Variants in LPP observed in about 807,000 individuals in gnomAD.
The protein encoded by LPP is LIM domain containing preferred translocation partner in lipoma.
Under a neutral mutation model 60.4 loss-of-function variants are expected in LPP, and 38 were observed. The ratio of observed to expected loss-of-function variants is 0.63; its 90% confidence interval spans 0.49 to 0.83. The LOEUF (loss-of-function observed/expected upper bound fraction) is 0.83. LPP is among the 40% of genes least tolerant of loss of function. The probability of loss-of-function intolerance (pLI) is 0.00; values close to 1 mark genes in which losing one functional copy is unlikely to be tolerated. For synonymous variants in LPP, 328 were observed against 290.8 expected, an observed-to-expected ratio of 1.13 and a Z score of -1.30; for missense variants, 902 against 783.6, an observed-to-expected ratio of 1.15 and a Z score of -1.80.
At chr3:188,872,542 C>A in intron 10 of LPP, 101 bp from the exon 11 acceptor site, 3 of 1,280,348 alleles carry the variant, frequency 2.3e-6, no homozygotes, top group Non-Finnish European at 3.4e-6. Context: ...GATGAGGAAG[C>A]AGGTATACCG....
chr3:188,776,917 T>C (rs1403288625), intron 9 of LPP, among the ~76,000 whole-genome samples: 4 of 152,198 alleles, frequency 2.6e-5, no homozygotes, highest in Non-Finnish European at 5.9e-5. Flanking sequence ...TTATTTGACA[T>C]TTATGGTACA....
rs1027607631 is a variant in LPP at position 188,884,605 on chromosome 3, C to T, written c.*10126C>T. The T allele has an allele frequency of 8.3e-5, 19 of 230,276 alleles. No homozygotes were observed. The highest frequency in any genetic ancestry group is 4.2e-4 in the African/African-American group (19 of 45,200). The allele number at this position is 230,276 out of a possible 1,614,324, so 14.3% of individuals were successfully genotyped here. A position where few individuals can be genotyped will look rare whatever the true frequency, so the allele number is the denominator to read the frequency against. On this transcript the variant is annotated 3_prime_UTR_variant, in exon 12 of 12. Coordinates refer to ENST00000617246, the MANE Select transcript of LPP (RefSeq NM_001375462.1). ...CCCCAGAGAGAGTTCCTTTACATTC[C>T]ATTCACCAAAAACCTCTCTGGAACT...
intron 6 of LPP, among the ~76,000 whole-genome samples, chr3:188,575,384 G>A (rs1311756952): frequency 6.6e-6 from 1 of 152,134 alleles, no homozygotes; most frequent in East Asian, 1.9e-4. Flanking sequence ...GATTTAAAAT[G>A]TACAAATTAA....
At chr3:188,714,602 T>A (rs1173829853) in intron 8 of LPP, among the ~76,000 whole-genome samples, 1 of 152,162 alleles carries the variant, frequency 6.6e-6, no homozygotes, top group Non-Finnish European at 1.5e-5. Context: ...TTTTAATGAT[T>A]TCTTCTGGAA....
intron 9 of LPP, among the ~76,000 whole-genome samples, chr3:188,846,954 A>G (rs1040147659): frequency 1.3e-5 from 2 of 152,224 alleles, no homozygotes; most frequent in Non-Finnish European, 2.9e-5. Context: ...CCAGAGTAGG[A>G]CAGAGGCCAC....
chr3:188,713,419 A>G (rs1271009), intron 8 of LPP, among the ~76,000 whole-genome samples: 151,420 of 151,920 alleles, frequency 1, 75,461 homozygotes, highest in Middle Eastern at 1. Context: ...AGGATTGGTA[A>G]CAAACTTAGA....
Position 188,886,719 on chromosome 3 carries a change from AACACACACACACACACATACAC to A in LPP, c.*12258_*12279del. On this transcript the variant is annotated 3_prime_UTR_variant, in exon 12 of 12. Coordinates refer to ENST00000617246, the MANE Select transcript of LPP (RefSeq NM_001375462.1). ...GATCATACAATTGTATTGTCTTCAA[AACACACACACACACACATACAC>A]ACACACACACACACACACACACACC... The A allele has an allele frequency of 6.5e-6, 1 of 153,522 alleles. No individual in the cohort carries two copies. The highest frequency in any genetic ancestry group is 1.2e-5 in the Non-Finnish European group (1 of 84,606). 9.5% of individuals were successfully genotyped at this position (153,522 alleles called of 1,614,324 possible).
At chr3:188,186,012 A>G (rs888448580) in intron 1 of LPP, among the ~76,000 whole-genome samples, 1 of 152,128 alleles carries the variant, frequency 6.6e-6, no homozygotes, top group Non-Finnish European at 1.5e-5. Context: ...GTAGGAAAGG[A>G]GTGTCAGGCC....
At chr3:188,694,483 A>G (rs1862781479) in intron 7 of LPP, among the ~76,000 whole-genome samples, 1 of 152,102 alleles carries the variant, frequency 6.6e-6, no homozygotes, top group African/African-American at 2.4e-5. Flanking sequence ...CAGGTGGATC[A>G]CCTGAGGTTG....
At chr3:188,823,618 A>C (rs939654375) in intron 9 of LPP, among the ~76,000 whole-genome samples, 6 of 152,212 alleles carry the variant, frequency 3.9e-5, no homozygotes, top group African/African-American at 1.4e-4. Flanking sequence ...TTTTATGGCA[A>C]TCTATAACTG....
intron 2 of LPP, among the ~76,000 whole-genome samples, chr3:188,244,169 C>T (rs536011101): frequency 3.3e-5 from 5 of 152,338 alleles, no homozygotes; most frequent in Non-Finnish European, 7.4e-5. Flanking sequence ...CTGCGCCCAG[C>T]GCACATACAA....
At chr3:188,213,638 CTCTTT>C (rs996393981) in intron 1 of LPP, among the ~76,000 whole-genome samples, 1 of 152,048 alleles carries the variant, frequency 6.6e-6, no homozygotes, top group African/African-American at 2.4e-5. Flanking sequence ...TTGTATGAGG[CTCTTT>C]TCTTTTCTTT....
chr3:188,261,755 A>AT (rs1222666763), intron 2 of LPP, among the ~76,000 whole-genome samples: 1 of 151,060 alleles, frequency 6.6e-6, no homozygotes, highest in Non-Finnish European at 1.5e-5. Flanking sequence ...AAAAAAAAAA[A>AT]AAATATATAT....
Position 188,817,978 on chromosome 3 carries a change from G to T in LPP, c.1411-48222G>T, listed in dbSNP as rs112592509. ...AGTTGCAGGGATCATATTCTAAGGC[G>T]TATCAAATATGTTCAGAGTGCAAGC... On this transcript the variant is annotated intron_variant, in intron 9 of 11. Coordinates refer to ENST00000617246, the MANE Select transcript of LPP (RefSeq NM_001375462.1). Among the ~76,000 whole-genome samples the T allele has an allele frequency of 1.6e-4, 25 of 152,218 alleles. 1 individual carries two copies. Among genetic ancestry groups the T allele is most frequent in the South Asian group, 6.2e-4 (3 of 4,818 alleles).
At position 188,793,872 on chromosome 3, in the gene LPP, A is replaced by G. The variant is rs576691108; in HGVS notation, c.1410+33590A>G. Reference sequence around the variant, plus strand: ...CCTCTTATATGTGGTAAATGAAGTGACTGTCTATGTAGTTGCCTTTGCAGG... The same window carrying G: ...CCTCTTATATGTGGTAAATGAAGTGGCTGTCTATGTAGTTGCCTTTGCAGG... On this transcript the variant is annotated intron_variant, in intron 9 of 11. Coordinates refer to ENST00000617246, the MANE Select transcript of LPP (RefSeq NM_001375462.1). Among the ~76,000 whole-genome samples, 71 of 152,090 alleles carry G rather than the reference A, an allele frequency of 4.7e-4. 1 individual carries two copies. Among genetic ancestry groups the G allele is most frequent in the African/African-American group, 1.7e-3 (71 of 41,494 alleles).
At chr3:188,431,013 A>G (rs1462661490) in intron 4 of LPP, among the ~76,000 whole-genome samples, 1 of 151,994 alleles carries the variant, frequency 6.6e-6, no homozygotes, top group African/African-American at 2.4e-5. Context: ...TTTTTGAGGT[A>G]TCATATTTTG....
chr3:188,333,247 C>T (rs1258527586), intron 2 of LPP, among the ~76,000 whole-genome samples: 1 of 152,108 alleles, frequency 6.6e-6, no homozygotes, highest in African/African-American at 2.4e-5. Flanking sequence ...ACAATTGGCA[C>T]TGAGTAATTA....
chr3:188,663,703 C>A (rs923050092), intron 7 of LPP, among the ~76,000 whole-genome samples: 4 of 152,192 alleles, frequency 2.6e-5, no homozygotes, highest in Non-Finnish European at 4.4e-5. Context: ...TGGTCTCCGA[C>A]CTTTTTGGCA....
At position 188,880,639 on chromosome 3, in the gene LPP, C is replaced by T. The variant is rs190189896; in HGVS notation, c.*6160C>T. The T allele has an allele frequency of 1.6e-5, 3 of 187,968 alleles. No individual in the cohort carries two copies. The highest frequency in any genetic ancestry group is 7.0e-5 in the African/African-American group (3 of 42,874). The allele number at this position is 187,968 out of a possible 1,614,324, so 11.6% of individuals were successfully genotyped here. A position where few individuals can be genotyped will look rare whatever the true frequency, so the allele number is the denominator to read the frequency against. On this transcript the variant is annotated 3_prime_UTR_variant, in exon 12 of 12. Coordinates refer to ENST00000617246, the MANE Select transcript of LPP (RefSeq NM_001375462.1). ...CATCCACTTAAGGGCCAGAGAAATC[C>T]TTATTCATTTAACTCTGGTGGGCAT...
Sources: gnomAD v4.1 joint callset for allele counts (sites outside exome capture counted in the v4.1 genomes callset) on GRCh38, gnomAD v4.1.1 for gene constraint, MANE v1.5 for transcripts, NCBI Gene and HGNC (gene_info 2026-07-23, HGNC 2026-07-21) for gene names.